The following SMYD3 variants were observed in gnomAD, a reference collection of about 807,000 sequenced individuals.
SMYD3 encodes histone-lysine N-methyltransferase SMYD3.
SMYD3 carries 36 observed loss-of-function variants against 57.7 expected under a neutral mutation model. The ratio of observed to expected loss-of-function variants is 0.62; its 90% CI spans 0.48 to 0.82. The LOEUF is 0.82. Among genes scored for constraint, SMYD3 ranks in the 40% least tolerant of loss-of-function variants. The pLI is 0.00. For synonymous variants in SMYD3, 211 were observed against 195.0 expected, an observed-to-expected ratio of 1.08 and a Z score of -0.68; for missense variants, 515 against 538.8, an observed-to-expected ratio of 0.96 and a Z score of 0.44.
chr1:245,787,849 G>A (rs1014673650), intron 10 of SMYD3, among the ~76,000 whole-genome samples: 1 of 152,294 alleles, frequency 6.6e-6, no homozygotes, highest in African/African-American at 2.4e-5. Flanking sequence ...AGCAAACCAC[G>A]GAGAGTTGAG....
chr1:245,936,963 T>C (rs548356713), intron 5 of SMYD3, among the ~76,000 whole-genome samples: 26 of 152,370 alleles, frequency 1.7e-4, no homozygotes, highest in African/African-American at 5.8e-4. Context: ...CTTTATATGC[T>C]ATGATTATTA....
At chr1:246,136,144 C>G (rs956547207) in intron 5 of SMYD3, among the ~76,000 whole-genome samples, 1 of 152,142 alleles carries the variant, frequency 6.6e-6, no homozygotes, top group Non-Finnish European at 1.5e-5. Context: ...AAATTAGCAC[C>G]AACAGATTGG....
intron 5 of SMYD3, among the ~76,000 whole-genome samples, chr1:246,192,978 T>C (rs1488585531): frequency 6.6e-6 from 1 of 151,608 alleles, no homozygotes; most frequent in East Asian, 1.9e-4. Context: ...GTAATGATTA[T>C]AGGAAATCTT....
chr1:245,768,108 A>C (rs905927265), intron 10 of SMYD3, among the ~76,000 whole-genome samples: 3 of 152,228 alleles, frequency 2.0e-5, no homozygotes, highest in Non-Finnish European at 4.4e-5. Context: ...AGCAAACTAC[A>C]TAACAACAAA....
At chr1:246,353,763 C>T (rs2065869523) in intron 2 of SMYD3, among the ~76,000 whole-genome samples, 2 of 152,070 alleles carry the variant, frequency 1.3e-5, no homozygotes, top group Non-Finnish European at 2.9e-5. Context: ...AATAATAGTA[C>T]CTAATTCTCA....
At chr1:246,092,418 A>G (rs2060839063) in intron 5 of SMYD3, among the ~76,000 whole-genome samples, 1 of 152,234 alleles carries the variant, frequency 6.6e-6, no homozygotes, top group African/African-American at 2.4e-5. Flanking sequence ...ACTGGCAAAT[A>G]GGCCAGTGGA....
chr1:246,189,312 A>G (rs554498230), intron 5 of SMYD3, among the ~76,000 whole-genome samples: 9 of 152,328 alleles, frequency 5.9e-5, no homozygotes, highest in African/African-American at 2.2e-4. Flanking sequence ...CTTTTTAGAC[A>G]TAAGGAAGCT....
chr1:245,791,261 A>G (rs2047255048), intron 10 of SMYD3, among the ~76,000 whole-genome samples: 2 of 152,214 alleles, frequency 1.3e-5, no homozygotes, highest in African/African-American at 4.8e-5. Flanking sequence ...GTTGGGGGAA[A>G]GAGAGCCTAT....
At chr1:246,084,195 C>CTTT (rs772938424) in intron 5 of SMYD3, among the ~76,000 whole-genome samples, 16 of 135,464 alleles carry the variant, frequency 1.2e-4, no homozygotes, top group African/African-American at 4.2e-4. Context: ...CTGACAATTC[C>CTTT]TTTTTTTTTT....
rs2057719751 is a variant in SMYD3, at chr1:245,953,165, G to C, written c.532-23228C>G. ...TTTCCCCAAAGAGGAATTGAAGCTA[G>C]TTAGATCTCTTTGGTCATAATATAT... On this transcript the variant is annotated intron_variant, in intron 5 of 11. Transcript: ENST00000490107. The C allele has an allele frequency of 3.4e-6, 3 of 891,692 alleles. No individual in the cohort carries two copies. The Admixed American group carries it at 1.9e-4, about 55-fold the overall frequency. 55.2% of individuals were successfully genotyped at this position (891,692 alleles called of 1,614,324 possible). A position where few individuals can be genotyped will look rare whatever the true frequency, so the allele number is the denominator to read the frequency against.
intron 1 of SMYD3, among the ~76,000 whole-genome samples, chr1:246,397,292 T>G (rs912151595): frequency 7.9e-5 from 12 of 152,170 alleles, no homozygotes; most frequent in Admixed American, 7.2e-4. Flanking sequence ...ATAAATGTAA[T>G]GTGCTTGAAT....
chr1:246,226,159 A>G (rs2063327281), intron 5 of SMYD3, among the ~76,000 whole-genome samples: 1 of 152,190 alleles, frequency 6.6e-6, no homozygotes, highest in South Asian at 2.1e-4. Flanking sequence ...TTTTACCTCC[A>G]TAAATGTTTT....
chr1:246,055,124 C>T lies in SMYD3; in HGVS notation c.532-125187G>A, dbSNP rs56982601. The stretch of plus-strand genomic sequence containing the variant: ...CCGGGTGGCAGAGCTTGCAGTGAGC[C>T]GAGATGGTGCCACTGCACTCCAGCC... On this transcript the variant is annotated intron_variant, in intron 5 of 11. Coordinates refer to ENST00000490107, the MANE Select transcript of SMYD3 (RefSeq NM_001167740.2). Among the ~76,000 whole-genome samples the T allele has an allele frequency of 2.1e-3, 311 of 151,112 alleles. 4 individuals are homozygous for T. The highest frequency in any genetic ancestry group is 6.7e-3 in the African/African-American group (277 of 41,176).
chr1:246,463,303 TCTA>T (rs1313989203), intron 1 of SMYD3, among the ~76,000 whole-genome samples: 1 of 152,122 alleles, frequency 6.6e-6, no homozygotes, highest in Non-Finnish European at 1.5e-5. Context: ...TGAGAAACAT[TCTA>T]CTGCTGAAAT....
intron 5 of SMYD3, among the ~76,000 whole-genome samples, chr1:246,182,539 TC>T (rs1301094000): frequency 6.6e-6 from 1 of 152,098 alleles, no homozygotes; most frequent in Non-Finnish European, 1.5e-5. Context: ...GATATATGAC[TC>T]CCAGTACAGT....
At chr1:245,922,390 A>G (rs1191047843) in intron 7 of SMYD3, among the ~76,000 whole-genome samples, 1 of 152,240 alleles carries the variant, frequency 6.6e-6, no homozygotes, top group African/African-American at 2.4e-5. Flanking sequence ...AAGAATGGAA[A>G]ATAATCTGTG....
chr1:246,258,165 TA>T (rs1325684661), intron 5 of SMYD3, among the ~76,000 whole-genome samples: 1 of 152,098 alleles, frequency 6.6e-6, no homozygotes, highest in Admixed American at 6.6e-5. Flanking sequence ...GCCTCCCGAG[TA>T]GCTGGGATTA....
intron 10 of SMYD3, among the ~76,000 whole-genome samples, chr1:245,816,984 T>C (rs2148318436): frequency 6.6e-6 from 1 of 151,536 alleles, no homozygotes; most frequent in East Asian, 1.9e-4. Flanking sequence ...GCGCCCGCCA[T>C]TGCCCAGGCT....
intron 5 of SMYD3, among the ~76,000 whole-genome samples, chr1:246,060,307 C>T (rs1445974791): frequency 4.0e-5 from 6 of 148,962 alleles, no homozygotes; most frequent in African/African-American, 7.4e-5. Flanking sequence ...ATAAAGGTTG[C>T]GTTTTTTTTT....
Sources: allele counts gnomAD v4.1 joint callset (sites outside exome capture counted in the v4.1 genomes callset), GRCh38; gene constraint gnomAD v4.1.1; transcripts MANE v1.5; gene names NCBI Gene and HGNC (gene_info 2026-07-23, HGNC 2026-07-21).